DAPK1: variants seen among roughly 807,000 people sequenced by gnomAD.
DAPK1 encodes death-associated protein kinase 1.
In DAPK1, 56 loss-of-function variants were observed where a neutral mutation model predicts 144.9. The observed-to-expected ratio is 0.39, with a 90% CI of 0.31 to 0.48. The LOEUF is 0.48. DAPK1 is among the 20% of genes least tolerant of loss of function. The probability of loss-of-function intolerance (pLI) is 0.95; values close to 1 mark genes in which losing one functional copy is unlikely to be tolerated. For synonymous variants in DAPK1, 690 were observed against 749.0 expected, an observed-to-expected ratio of 0.92 and a Z score of 1.29; for missense variants, 1,454 against 1,875.4, an observed-to-expected ratio of 0.78 and a Z score of 4.15.
chr9:87,562,643 T>C (rs1325746938), intron 2 of DAPK1, among the ~76,000 whole-genome samples: 1 of 152,216 alleles, frequency 6.6e-6, no homozygotes, highest in Non-Finnish European at 1.5e-5. Flanking sequence ...ATTTGCTATC[T>C]CAAAGGCTCT....
chr9:87,658,957 A>G (rs1051679414), intron 18 of DAPK1, among the ~76,000 whole-genome samples: 1 of 152,206 alleles, frequency 6.6e-6, no homozygotes, highest in African/African-American at 2.4e-5. Context: ...CCCACGGGCC[A>G]TATCCCGCTG....
At chr9:87,627,759 C>A (rs1014333964) in intron 3 of DAPK1, among the ~76,000 whole-genome samples, 1 of 152,180 alleles carries the variant, frequency 6.6e-6, no homozygotes, top group Non-Finnish European at 1.5e-5. Flanking sequence ...ACATCAGAAT[C>A]CCATGCCTGT....
intron 3 of DAPK1, among the ~76,000 whole-genome samples, chr9:87,626,441 A>C (rs990678491): frequency 4.0e-5 from 6 of 151,390 alleles, no homozygotes; most frequent in South Asian, 2.1e-4. Flanking sequence ...AACAAACAAA[A>C]AACAACAACA....
At chr9:87,504,510 C>T (rs1233252499) in intron 2 of DAPK1, among the ~76,000 whole-genome samples, 7 of 152,118 alleles carry the variant, frequency 4.6e-5, no homozygotes, top group African/African-American at 1.7e-4. Flanking sequence ...CATGGAAGCT[C>T]ACTTCTTGGT....
At chr9:87,665,276 A>G (rs1232764869) in intron 18 of DAPK1, among the ~76,000 whole-genome samples, 1 of 152,200 alleles carries the variant, frequency 6.6e-6, no homozygotes, top group Non-Finnish European at 1.5e-5. Context: ...TGCTGTATCC[A>G]TAGCCCTGTG....
At chr9:87,702,291 C>T (rs1825481601) in intron 24 of DAPK1, among the ~76,000 whole-genome samples, 1 of 152,162 alleles carries the variant, frequency 6.6e-6, no homozygotes, top group Non-Finnish European at 1.5e-5. Context: ...ATGTGGATTA[C>T]GTGAGTCTGT....
intron 2 of DAPK1, among the ~76,000 whole-genome samples, chr9:87,557,523 A>AC (rs1826762816): frequency 6.6e-6 from 1 of 152,226 alleles, no homozygotes; most frequent in Admixed American, 6.5e-5. Context: ...GCTTTTATTG[A>AC]CAAATGATCT....
chr9:87,592,298 A>C (rs1360923585), intron 2 of DAPK1, among the ~76,000 whole-genome samples: 1 of 152,186 alleles, frequency 6.6e-6, no homozygotes, highest in Non-Finnish European at 1.5e-5. Context: ...AGGAGAGGTC[A>C]TTCCTCCTTC....
At chr9:87,620,156 C>T (rs760135135) in intron 3 of DAPK1, among the ~76,000 whole-genome samples, 8 of 152,138 alleles carry the variant, frequency 5.3e-5, no homozygotes, top group Non-Finnish European at 1.0e-4. Context: ...CCCAGGTGGG[C>T]GGTGGAGACC....
At chr9:87,622,479 T>A (rs1342424943) in intron 3 of DAPK1, among the ~76,000 whole-genome samples, 1 of 152,136 alleles carries the variant, frequency 6.6e-6, no homozygotes, top group African/African-American at 2.4e-5. Flanking sequence ...CTCCAGTCAT[T>A]TTGATGTATT....
In DAPK1 at chr9:87,645,967, C is replaced by A. The variant is rs761198088; in HGVS notation, c.1084C>A (p.His362Asn). Residue 362 changes from histidine to asparagine, a missense_variant, in exon 12 of 26, where the codon CAC becomes AAC. By Grantham distance (68) the His-to-Asn change is moderately conservative. Transcript: ENST00000408954. ...CGATGACAATGTCCCAGGCCTGCAGCACCTTCTGGGCTCATTATCCAACTA... is the reference window on the plus strand; with the variant it reads ...CGATGACAATGTCCCAGGCCTGCAGAACCTTCTGGGCTCATTATCCAACTA... ...INDDNVPGLQ[H>N]LLGSLSNYDV... The A allele has an allele frequency of 6.2e-7, 1 of 1,614,082 alleles. No homozygotes were observed. The highest frequency in any genetic ancestry group is 1.7e-5 in the Admixed American group (1 of 60,020).
intron 2 of DAPK1, among the ~76,000 whole-genome samples, chr9:87,561,747 A>G (rs1361322995): frequency 6.6e-6 from 1 of 152,136 alleles, no homozygotes; most frequent in African/African-American, 2.4e-5. Context: ...ACTTAAGTTA[A>G]AGGTTCATTT....
intron 2 of DAPK1, among the ~76,000 whole-genome samples, chr9:87,523,276 A>G (rs1825369481): frequency 6.6e-6 from 1 of 152,144 alleles, no homozygotes; most frequent in South Asian, 2.1e-4. Context: ...TTTGTATCAC[A>G]GTTAGAAAGG....
rs1481994966 is a variant in DAPK1 at position 87,645,984 on chromosome 9, A to G, written c.1101A>G (p.Leu367=). 22 of 1,614,116 alleles carry G rather than the reference A, an allele frequency of 1.4e-5. No individual in the cohort carries two copies. Among genetic ancestry groups the G allele is most frequent in the East Asian group, 4.5e-5 (2 of 44,886 alleles). The change falls in exon 12 of 26, where the codon TTA becomes TTG. Residue 367 remains leucine, a synonymous_variant. Transcript: ENST00000408954. ...GCCTGCAGCACCTTCTGGGCTCATT[A>G]TCCAACTATGATGTTAACCAACCCA... ...VPGLQHLLGS[L]SNYDVNQPNK... is the part of the protein sequence containing the mutation.
At chr9:87,628,726 C>T (rs929440617) in intron 3 of DAPK1, among the ~76,000 whole-genome samples, 3 of 152,132 alleles carry the variant, frequency 2.0e-5, no homozygotes, top group Admixed American at 6.5e-5. Context: ...AGGATAGTTA[C>T]GGTAAAGGAG....
At chr9:87,581,690 G>T (rs886628129) in intron 2 of DAPK1, among the ~76,000 whole-genome samples, 1 of 152,126 alleles carries the variant, frequency 6.6e-6, no homozygotes, top group South Asian at 2.1e-4. Flanking sequence ...AAGCAATGTG[G>T]TCACATGACC....
At chr9:87,617,350 C>T (rs1039680347) in intron 3 of DAPK1, among the ~76,000 whole-genome samples, 4 of 152,154 alleles carry the variant, frequency 2.6e-5, no homozygotes, top group Non-Finnish European at 5.9e-5. Flanking sequence ...CTTTCCATTG[C>T]CAGGGCCACT....
At chr9:87,546,599 A>G (rs953003471) in intron 2 of DAPK1, among the ~76,000 whole-genome samples, 2 of 152,200 alleles carry the variant, frequency 1.3e-5, no homozygotes, top group African/African-American at 4.8e-5. Flanking sequence ...CTCAATGCTA[A>G]AGCATCAAAC....
chr9:87,672,322 G>T (rs942931302), intron 19 of DAPK1, among the ~76,000 whole-genome samples: 2 of 152,218 alleles, frequency 1.3e-5, no homozygotes, highest in Non-Finnish European at 2.9e-5. Context: ...TTTACAGAGG[G>T]GAATGTTGCT....
Sources: gnomAD v4.1 joint callset for allele counts (sites outside exome capture counted in the v4.1 genomes callset) on GRCh38, gnomAD v4.1.1 for gene constraint, MANE v1.5 for transcripts, NCBI Gene and HGNC (gene_info 2026-07-23, HGNC 2026-07-21) for gene names.